Variants in SGCZ observed in about 807,000 individuals in gnomAD.
SGCZ encodes the protein zeta-sarcoglycan.
In SGCZ, 40 loss-of-function variants were observed where a neutral mutation model predicts 41.3. The observed-to-expected ratio is 0.97, with a 90% CI of 0.75 to 1.26. The LOEUF (loss-of-function observed/expected upper bound fraction) is 1.26, where lower values mean the gene tolerates loss of function less well. SGCZ is among the 50% of genes most tolerant of loss of function. The pLI is 0.00. For missense variants in SGCZ, 552 were observed against 369.8 expected (o/e 1.49, Z -4.04); for synonymous variants, 206 against 137.5 (o/e 1.50, Z -3.49).
intron 2 of SGCZ, among the ~76,000 whole-genome samples, chr8:14,371,127 G>A (rs1340036646): frequency 1.3e-5 from 2 of 151,830 alleles, no homozygotes; most frequent in East Asian, 1.9e-4. Flanking sequence ...ATTCCTCCCA[G>A]ATGGTAAACA....
intron 1 of SGCZ, among the ~76,000 whole-genome samples, chr8:14,951,526 G>A (rs1800637308): frequency 1.3e-5 from 2 of 151,928 alleles, no homozygotes; most frequent in African/African-American, 4.8e-5. Flanking sequence ...CCTAAATGCA[G>A]CTGTAATATG....
At chr8:14,455,287 A>G (rs1800708735) in intron 2 of SGCZ, among the ~76,000 whole-genome samples, 2 of 152,168 alleles carry the variant, frequency 1.3e-5, no homozygotes, top group Non-Finnish European at 2.9e-5. Context: ...AAAAAATCAT[A>G]GTTAAGGAAA....
At chr8:14,229,900 A>G (rs1469410608) in intron 4 of SGCZ, among the ~76,000 whole-genome samples, 1 of 152,122 alleles carries the variant, frequency 6.6e-6, no homozygotes, top group Non-Finnish European at 1.5e-5. Flanking sequence ...AGCACTAACA[A>G]AAATAAGCCG....
intron 2 of SGCZ, among the ~76,000 whole-genome samples, chr8:14,401,957 C>T (rs1799088895): frequency 6.6e-6 from 1 of 151,522 alleles, no homozygotes; most frequent in African/African-American, 2.4e-5. Context: ...CTGTTGTTTC[C>T]TGACTTTTTA....
intron 1 of SGCZ, among the ~76,000 whole-genome samples, chr8:14,660,847 A>T (rs4831632): frequency 0.59 from 90,095 of 151,928 alleles, 29,115 homozygotes; most frequent in African/African-American, 0.84. Flanking sequence ...TTTTGTTTAT[A>T]TTGCTTTGTT....
chr8:14,754,208 A>G (rs1468778793), intron 1 of SGCZ, among the ~76,000 whole-genome samples: 1 of 152,134 alleles, frequency 6.6e-6, no homozygotes, highest in East Asian at 1.9e-4. Context: ...TTACTCTTAT[A>G]ACACTTGGAA....
rs560992888 is a variant in SGCZ at position 15,055,041 on chromosome 8, C to A, written c.39+182544G>T. On this transcript the variant is annotated intron_variant, in intron 1 of 7. Coordinates refer to ENST00000382080, the MANE Select transcript of SGCZ (RefSeq NM_139167.4). ...ATATGAACATGTCACTTCTCTTACA[C>A]CTCCTAAGTAGCTCCCCTTTACCTA... Among the ~76,000 whole-genome samples, 154 of 152,076 alleles carry A rather than the reference C, an allele frequency of 1.0e-3. 1 individual carries two copies. The highest frequency in any genetic ancestry group is 3.7e-3 in the African/African-American group (152 of 41,482).
At chr8:14,263,045 G>T (rs1223164328) in intron 3 of SGCZ, among the ~76,000 whole-genome samples, 1 of 152,084 alleles carries the variant, frequency 6.6e-6, no homozygotes, top group Non-Finnish European at 1.5e-5. Context: ...TGAACAATAA[G>T]ATTATTTTGG....
intron 1 of SGCZ, among the ~76,000 whole-genome samples, chr8:14,983,340 G>A (rs2130883234): frequency 6.6e-6 from 1 of 151,616 alleles, no homozygotes; most frequent in African/African-American, 2.4e-5. Context: ...TACGGCAATT[G>A]GCACACACCA....
At chr8:15,035,358 TAA>T (rs901407495) in intron 1 of SGCZ, among the ~76,000 whole-genome samples, 3 of 151,972 alleles carry the variant, frequency 2.0e-5, no homozygotes, top group African/African-American at 7.2e-5. Context: ...GCACAAAATA[TAA>T]AAAGTAAAGT....
intron 4 of SGCZ, among the ~76,000 whole-genome samples, chr8:14,226,891 A>G (rs866902904): frequency 3.8e-4 from 58 of 152,086 alleles, no homozygotes; most frequent in African/African-American, 1.3e-3. Context: ...TATTTTAGTC[A>G]CTATACTTAT....
chr8:14,205,238 G>A (rs1805581411), intron 4 of SGCZ, among the ~76,000 whole-genome samples: 1 of 151,586 alleles, frequency 6.6e-6, no homozygotes. Context: ...AGTTGTCAAA[G>A]ATTCTCTGGA....
intron 1 of SGCZ, among the ~76,000 whole-genome samples, chr8:14,905,332 T>C (rs1440324255): frequency 6.6e-6 from 1 of 151,854 alleles, no homozygotes; most frequent in Non-Finnish European, 1.5e-5. Flanking sequence ...GGTAGGGATA[T>C]TTCACCTCAT....
intron 1 of SGCZ, among the ~76,000 whole-genome samples, chr8:14,609,610 T>C (rs1398862203): frequency 6.6e-6 from 1 of 152,148 alleles, no homozygotes; most frequent in South Asian, 2.1e-4. Context: ...ATTCAACACT[T>C]TGAAAATCAA....
At chr8:15,110,486 A>T (rs757973926) in intron 1 of SGCZ, among the ~76,000 whole-genome samples, 22 of 152,240 alleles carry the variant, frequency 1.4e-4, no homozygotes, top group Non-Finnish European at 4.4e-5. Context: ...GAGAGCCTTC[A>T]GTTACTTTTC....
rs1801535488 is a variant in SGCZ, at chr8:14,086,843, G to A, written c.*3600C>T. ...GAAGGAGATCACAAATGCTAGTTCA[G>A]ATATGGCTACTTAACCTAAGATTTA... On this transcript the variant is annotated 3_prime_UTR_variant, in exon 8 of 8. Transcript: ENST00000382080. 6.6e-6 allele frequency among the ~76,000 whole-genome samples: 1 copy of A among 151,636 alleles called. No homozygotes were observed. Among genetic ancestry groups the A allele is most frequent in the African/African-American group, 2.4e-5 (1 of 41,364 alleles).
At chr8:14,129,210 G>T (rs79148607) in intron 5 of SGCZ, among the ~76,000 whole-genome samples, 57 of 152,000 alleles carry the variant, frequency 3.8e-4, no homozygotes, top group Admixed American at 1.4e-3. Flanking sequence ...GCTGGGTGTG[G>T]TGGCAGGTGC....
At chr8:15,080,147 G>A (rs1210830395) in intron 1 of SGCZ, among the ~76,000 whole-genome samples, 1 of 152,088 alleles carries the variant, frequency 6.6e-6, no homozygotes, top group African/African-American at 2.4e-5. Flanking sequence ...TGCAGTGGAG[G>A]CAGAGAGGGA....
rs1311886166 is a variant in SGCZ, at chr8:14,564,223, TG to T, written c.40-9298del. Reference sequence around the variant, plus strand: ...TCCTTGTGACCATGCAAATTTAATCTGGATTCCAAAACCTCTTCAGTTCCTT... The same window carrying T: ...TCCTTGTGACCATGCAAATTTAATCTGATTCCAAAACCTCTTCAGTTCCTT... On this transcript the variant is annotated intron_variant, in intron 1 of 7. Coordinates refer to ENST00000382080, the MANE Select transcript of SGCZ (RefSeq NM_139167.4). Among the ~76,000 whole-genome samples the T allele has an allele frequency of 2.6e-5, 4 of 152,354 alleles. No individual in the cohort carries two copies. The East Asian group carries it at 7.7e-4, about 29-fold the overall frequency.
Sources: gnomAD v4.1 joint callset for allele counts (sites outside exome capture counted in the v4.1 genomes callset) on GRCh38, gnomAD v4.1.1 for gene constraint, MANE v1.5 for transcripts, NCBI Gene and HGNC (gene_info 2026-07-23, HGNC 2026-07-21) for gene names.